NUTM2E: variants seen among roughly 807,000 people sequenced by gnomAD.
NUTM2E encodes NUT family member 2E.
NUTM2E carries 3 observed loss-of-function variants against 26.1 expected under a neutral mutation model. That is an observed-to-expected ratio of 0.12 (90% CI 0.05 to 0.30). The LOEUF (loss-of-function observed/expected upper bound fraction) is 0.30. NUTM2E is among the 10% of genes least tolerant of loss of function. The pLI is 1.00. For synonymous variants in NUTM2E, 13 were observed against 157.5 expected, an observed-to-expected ratio of 0.08 and a Z score of 6.87; for missense variants, 62 against 381.3, an observed-to-expected ratio of 0.16 and a Z score of 6.97.
At chr10:79,835,058 G>C (rs1841953202) in intron 1 of NUTM2E, among the ~76,000 whole-genome samples, 1 of 150,286 alleles carries the variant, frequency 6.7e-6, no homozygotes, top group Non-Finnish European at 1.5e-5. Flanking sequence ...TTGTATTAAT[G>C]TAGACTGGCA....
chr10:79,827,497 C>T (rs1205471280), intron 1 of NUTM2E, 140 bp downstream of exon 1: 3 of 150,596 alleles, frequency 2.0e-5, no homozygotes. Flanking sequence ...AACTGCTAGG[C>T]CCTGAAGCAA....
At chr10:79,829,058 C>T (rs1185581688) in intron 1 of NUTM2E, among the ~76,000 whole-genome samples, 2 of 151,858 alleles carry the variant, frequency 1.3e-5, no homozygotes, top group African/African-American at 4.8e-5. Context: ...ATGTCAAATT[C>T]TATCAAGCTC....
intron 1 of NUTM2E, among the ~76,000 whole-genome samples, chr10:79,835,314 A>C (rs1207300090): frequency 6.6e-6 from 1 of 151,582 alleles, no homozygotes. Context: ...ATAATAATGG[A>C]CTTAACTTTA....
intron 1 of NUTM2E, among the ~76,000 whole-genome samples, chr10:79,828,241 A>C (rs368645836): frequency 6.6e-6 from 1 of 151,828 alleles, no homozygotes. Context: ...TCAGATGACT[A>C]TGTGTGTGAA....
chr10:79,837,953 C>A lies in NUTM2E; in HGVS notation c.-2727-356C>A, dbSNP rs945644299. ...TAGTTCTGGGGATCAGAAAACAAAA[C>A]CCCCAAATGAAAGCCTCAGCTGCAG... On this transcript the variant is annotated intron_variant, in intron 1 of 9. Transcript: ENST00000429984. 4.0e-5 allele frequency among the ~76,000 whole-genome samples: 6 copies of A among 151,480 alleles called. No individual in the cohort carries two copies. The East Asian group carries it at 9.8e-4, about 25-fold the overall frequency.
chr10:79,834,915 TTA>T (rs1430541039), intron 1 of NUTM2E, among the ~76,000 whole-genome samples: 1 of 151,690 alleles, frequency 6.6e-6, no homozygotes, highest in Non-Finnish European at 1.5e-5. Context: ...TAATTTTATT[TTA>T]TCTTTCTCTC....
intron 1 of NUTM2E, among the ~76,000 whole-genome samples, 120 bp from the exon 2 acceptor site, chr10:79,838,189 C>T (rs1368905595): frequency 2.0e-5 from 3 of 147,018 alleles, no homozygotes; most frequent in Non-Finnish European, 4.5e-5. Context: ...GTAAATCCCA[C>T]ATAAGTAAGC....
intron 1 of NUTM2E, among the ~76,000 whole-genome samples, chr10:79,828,034 A>T (rs1423338192): frequency 6.6e-6 from 1 of 151,384 alleles, no homozygotes; most frequent in African/African-American, 2.4e-5. Flanking sequence ...ACCTTAGGTG[A>T]TACGCCCACC....
In NUTM2E at chr10:79,829,863, T is replaced by A. The variant is rs1036666635; in HGVS notation, c.-2728+2506T>A. On this transcript the variant is annotated intron_variant, in intron 1 of 9. Transcript: ENST00000429984. The stretch of plus-strand genomic sequence containing the variant: ...GCTGATGTAAAGGACATCCACTTCA[T>A]AATGACAATTATTGAACAAATTACT... Among the ~76,000 whole-genome samples the A allele has an allele frequency of 2.0e-5, 3 of 151,550 alleles. 1 individual carries two copies. Among genetic ancestry groups the A allele is most frequent in the Non-Finnish European group, 4.4e-5 (3 of 67,842 alleles).
At chr10:79,832,160 C>T (rs1216520173) in intron 1 of NUTM2E, among the ~76,000 whole-genome samples, 3 of 151,954 alleles carry the variant, frequency 2.0e-5, no homozygotes, top group Admixed American at 6.6e-5. Flanking sequence ...ATTTTGAAGG[C>T]ACATAGACAT....
intron 1 of NUTM2E, among the ~76,000 whole-genome samples, chr10:79,830,688 TAATC>T (rs10580205): frequency 0.48 from 71,740 of 150,928 alleles, 19,121 homozygotes; most frequent in Non-Finnish European, 0.61. Flanking sequence ...TATTTTAAAA[TAATC>T]AAATTAGCAA....
rs761432638 is a variant in NUTM2E, at chr10:79,848,599, C to T, written c.1438C>T (p.Arg480Trp). The T allele has an allele frequency of 1.7e-4, 101 of 594,312 alleles. 5 individuals are homozygous for T. Among genetic ancestry groups the T allele is most frequent in the South Asian group, 2.3e-4 (12 of 51,782 alleles). 36.8% of individuals were successfully genotyped at this position (594,312 alleles called of 1,614,324 possible). The change falls in exon 8 of 10, where the codon CGG (arginine) becomes TGG (tryptophan). Residue 480 changes from arginine (R) to tryptophan (W), a missense_variant. By Grantham distance (101) the Arg-to-Trp change is moderately radical (BLOSUM62 -3). Transcript: ENST00000429984. ...RPQRPVTKAR[R>W]PPPQPHRRAE... ...CCAGAGGCCAGTGACCAAGGCCCGC[C>T]GGCCACCACCCCAGCCCCACCGGCG...
Position 79,839,325 on chromosome 10 carries a change from G to A in NUTM2E, c.-2114+210G>A, listed in dbSNP as rs918765390. Among the ~76,000 whole-genome samples the A allele has an allele frequency of 9.3e-5, 14 of 150,834 alleles. 1 individual carries two copies. Among genetic ancestry groups the A allele is most frequent in the Non-Finnish European group, 2.1e-4 (14 of 67,676 alleles). ...GAGGTTCCATTAAAGAGTATTTCTG[G>A]CAAAGATTTTTAGACCTGAAAACAC... On this transcript the variant is annotated intron_variant, in intron 3 of 9. Coordinates refer to ENST00000429984, the MANE Select transcript of NUTM2E (RefSeq NM_001355263.2).
intron 1 of NUTM2E, among the ~76,000 whole-genome samples, chr10:79,837,898 G>C (rs1173002444): frequency 6.6e-6 from 1 of 151,782 alleles, no homozygotes; most frequent in Non-Finnish European, 1.5e-5. Flanking sequence ...AGGGAACTCA[G>C]ACAACTAAAT....
chr10:79,827,677 C>A (rs374207912), intron 1 of NUTM2E: 1 of 150,426 alleles, frequency 6.6e-6, no homozygotes, highest in Admixed American at 6.7e-5. Flanking sequence ...TAAGTGGAGC[C>A]CAGAAAGAAC....
In NUTM2E at chr10:79,826,925, G is replaced by C. The variant is rs1589304158; in HGVS notation, c.-3160G>C. 6.6e-6 allele frequency: 1 copy of C among 150,568 alleles called. No homozygotes were observed. Among genetic ancestry groups the C allele is most frequent in the Non-Finnish European group, 1.5e-5 (1 of 67,504 alleles). The allele number at this position is 150,568 out of a possible 1,614,324, so 9.3% of individuals were successfully genotyped here. On this transcript the variant is annotated 5_prime_UTR_variant, in exon 1 of 10. Coordinates refer to ENST00000429984, the MANE Select transcript of NUTM2E (RefSeq NM_001355263.2). ...CGGGATCCGGGTCGGGGTGTCGGCC[G>C]GGTTGCTGCCGGGCACCGTCGAGCG...
chr10:79,827,718 C>T (rs1183308295), intron 1 of NUTM2E: 1 of 150,402 alleles, frequency 6.6e-6, no homozygotes, highest in Admixed American at 6.6e-5. Context: ...GACATTATTG[C>T]TGGTCTATTT....
At position 79,832,994 on chromosome 10, in the gene NUTM2E, G is replaced by A. The variant is rs1355942900; in HGVS notation, c.-2727-5315G>A. ...TGTTTGTATATGTATCTGCATGTTT[G>A]TGTCGTATTTTGGAGTTGTTATTCA... is the stretch of plus-strand genomic sequence containing the variant. On this transcript the variant is annotated intron_variant, in intron 1 of 9. Coordinates refer to ENST00000429984, the MANE Select transcript of NUTM2E (RefSeq NM_001355263.2). 3.3e-5 allele frequency among the ~76,000 whole-genome samples: 5 copies of A among 151,750 alleles called. No homozygotes were observed. In the East Asian group the frequency reaches 9.7e-4, roughly 29 times the overall value.
At chr10:79,828,875 G>A (rs1386002409) in intron 1 of NUTM2E, among the ~76,000 whole-genome samples, 2 of 151,784 alleles carry the variant, frequency 1.3e-5, no homozygotes, top group African/African-American at 4.8e-5. Flanking sequence ...GCCACAGTTA[G>A]GAAGTTCTCA....
Sources: gnomAD v4.1 joint callset for allele counts (sites outside exome capture counted in the v4.1 genomes callset) on GRCh38, gnomAD v4.1.1 for gene constraint, MANE v1.5 for transcripts, NCBI Gene and HGNC (gene_info 2026-07-23, HGNC 2026-07-21) for gene names.